PSMD6: variants seen among roughly 807,000 people sequenced by gnomAD.
PSMD6 encodes the protein proteasome 26S subunit, non-ATPase 6, also known as 26S proteasome non-ATPase regulatory subunit 6.
A neutral mutation model predicts 44.9 loss-of-function variants in PSMD6; 7 were observed. The observed-to-expected ratio is 0.16, with a 90% CI of 0.09 to 0.29. The LOEUF is 0.29. Ranked by LOEUF, PSMD6 falls within the 10% of genes least tolerant of loss-of-function variation. The probability of loss-of-function intolerance (pLI) is 1.00; values close to 1 mark genes in which losing one functional copy is unlikely to be tolerated. For missense variants in PSMD6, 420 were observed against 482.6 expected, an observed-to-expected ratio of 0.87 and a Z score of 1.21; for synonymous variants, 184 against 172.7, an observed-to-expected ratio of 1.07 and a Z score of -0.51.
At chr3:64,011,353 C>G (rs1279839181) in intron 6 of PSMD6, 2 of 151,214 alleles carry the variant, frequency 1.3e-5, no homozygotes, top group African/African-American at 2.7e-5. Flanking sequence ...AACATGTCAA[C>G]AGCAATAGTA....
intron 5 of PSMD6, chr3:64,013,904 G>C (rs967290149): frequency 4.0e-6 from 1 of 252,026 alleles, no homozygotes; most frequent in African/African-American, 2.2e-5. Context: ...TTTAACCACG[G>C]AGAACTTCTT....
At chr3:64,022,225 G>T (rs913399791) in intron 2 of PSMD6, 93 bp downstream of exon 2, 12 of 1,376,272 alleles carry the variant, frequency 8.7e-6, no homozygotes, top group Middle Eastern at 1.9e-4. Context: ...TTTCTAAAAC[G>T]AAGTTAATTT....
chr3:64,022,291 C>G, intron 2 of PSMD6, 27 bp downstream of exon 2: 1 of 1,610,450 alleles, frequency 6.2e-7, no homozygotes, highest in South Asian at 1.1e-5. Flanking sequence ...ATACTAACTA[C>G]AGAGAGGGAA....
intron 5 of PSMD6, chr3:64,014,016 T>C (rs184857453): frequency 1.0e-4 from 16 of 154,296 alleles, no homozygotes; most frequent in Admixed American, 7.2e-4. Flanking sequence ...AAAAAAGGTA[T>C]AAATCAGACA....
chr3:64,013,400 C>T (rs2075993357), intron 6 of PSMD6, 39 bp downstream of exon 6: 12 of 1,483,342 alleles, frequency 8.1e-6, no homozygotes, highest in Non-Finnish European at 7.2e-6. Context: ...TAAAAGGCAA[C>T]TTTAAAACTT....
rs976618021 is a variant in PSMD6, at chr3:64,023,487, G to A, written c.-68C>T. 4.0e-6 allele frequency: 6 copies of A among 1,485,906 alleles called. No individual in the cohort carries two copies. The highest frequency in any genetic ancestry group is 5.4e-6 in the Non-Finnish European group (6 of 1,111,104). 92.0% of individuals were successfully genotyped at this position (1,485,906 alleles called of 1,614,324 possible). A position where few individuals can be genotyped will look rare whatever the true frequency, so the allele number is the denominator to read the frequency against. On this transcript the variant is annotated 5_prime_UTR_variant, in exon 1 of 8. Coordinates refer to ENST00000295901, the MANE Select transcript of PSMD6 (RefSeq NM_014814.3). Reference sequence around the variant, plus strand: ...CGACCGGCTGCGGCAGCGGAAGCGGGAGGAGTCGGCGAATACGCCCGGCCG... The same window carrying A: ...CGACCGGCTGCGGCAGCGGAAGCGGAAGGAGTCGGCGAATACGCCCGGCCG...
chr3:64,019,211 A>T, intron 3 of PSMD6, 85 bp downstream of exon 3: 3 of 1,480,302 alleles, frequency 2.0e-6, no homozygotes, highest in Non-Finnish European at 2.8e-6. Flanking sequence ...TACTAGCTGT[A>T]AACAAAACAG....
intron 1 of PSMD6, chr3:64,022,806 A>C: frequency 6.5e-7 from 1 of 1,536,138 alleles, no homozygotes; most frequent in South Asian, 1.2e-5. Context: ...AAAAGTCTTC[A>C]AACAGGGAAA....
In PSMD6 at chr3:64,018,476, A is replaced by C. The variant is rs562397427; in HGVS notation, c.826+123T>G. 9 of 706,116 alleles carry C rather than the reference A, an allele frequency of 1.3e-5. No homozygotes were observed. The South Asian group carries it at 1.8e-4, about 14-fold the overall frequency. The allele number at this position is 706,116 out of a possible 1,614,324, so 43.7% of individuals were successfully genotyped here. ...CTGGGCACATTAGGAATACTGATCA[A>C]AGACATGCAGCTACCTACACACTAC... is the stretch of plus-strand genomic sequence containing the variant. On this transcript the variant is annotated intron_variant, in intron 5 of 7. Coordinates refer to ENST00000295901, the MANE Select transcript of PSMD6 (RefSeq NM_014814.3).
intron 2 of PSMD6, among the ~76,000 whole-genome samples, chr3:64,021,064 T>TA (rs1239203253): frequency 5.3e-5 from 8 of 150,964 alleles, no homozygotes; most frequent in Admixed American, 2.0e-4. Context: ...CACACATATT[T>TA]AAAAAAAAGA....
chr3:64,018,946 C>T lies in PSMD6; in HGVS notation c.589G>A (p.Ala197Thr), dbSNP rs755848700. The change falls in exon 4 of 8, where the codon GCA becomes ACA. Residue 197 changes from alanine (A) to threonine (T), a missense_variant. Ala to Thr is a moderately conservative substitution (Grantham distance 58). Coordinates refer to ENST00000295901, the MANE Select transcript of PSMD6 (RefSeq NM_014814.3). ...ACAGTGTCAAGGAAGAGTTCAGCTG[C>T]CTGTTTGAAATCACGAATAGCCACA... The part of the protein sequence containing the change: ...YCVAIRDFKQ[A>T]AELFLDTVST... The T allele has an allele frequency of 6.2e-7, 1 of 1,610,464 alleles. No homozygotes were observed. Among genetic ancestry groups the T allele is most frequent in the Non-Finnish European group, 8.5e-7 (1 of 1,176,792 alleles).
chr3:64,017,942 G>A (rs1203986639), intron 5 of PSMD6, among the ~76,000 whole-genome samples: 1 of 152,096 alleles, frequency 6.6e-6, no homozygotes, highest in African/African-American at 2.4e-5. Flanking sequence ...GTCATTATTA[G>A]GAAACCAAAT....
intron 5 of PSMD6, among the ~76,000 whole-genome samples, chr3:64,018,035 C>T (rs1020954422): frequency 2.0e-5 from 3 of 152,148 alleles, no homozygotes; most frequent in Non-Finnish European, 4.4e-5. Context: ...TGAAGGAATA[C>T]AATTACGTTC....
Position 64,010,904 on chromosome 3 carries a change from T to G in PSMD6, c.1047A>C (p.Lys349Asn). ...TGTTGGTTTCTACTATTTCATTCAC[T>G]TTATCTATTTTGCAGTGTAGTCTCC... ...AAGRLHCKID[K>N]VNEIVETNRP... Residue 349 changes from lysine (K) to asparagine (N), a missense_variant, in exon 7 of 8, where the codon AAA becomes AAC. Lys to Asn is a moderately conservative substitution (Grantham distance 94). This residue lies in a region of PSMD6 where 63 missense variants were observed against 112.1 expected (regional missense o/e 0.56). Transcript: ENST00000295901. 6.2e-7 allele frequency: 1 copy of G among 1,611,174 alleles called. No homozygotes were observed. The highest frequency in any genetic ancestry group is 1.1e-5 in the South Asian group (1 of 90,640).
At chr3:64,022,044 G>GT (rs1425322477) in intron 2 of PSMD6, among the ~76,000 whole-genome samples, 1 of 152,146 alleles carries the variant, frequency 6.6e-6, no homozygotes, top group African/African-American at 2.4e-5. Flanking sequence ...TGTAAAAGCA[G>GT]TAAATAAAAT....
chr3:64,012,918 G>A (rs922412941), intron 6 of PSMD6: 1 of 152,202 alleles, frequency 6.6e-6, no homozygotes, highest in Non-Finnish European at 1.5e-5. Context: ...CTACTACAAT[G>A]AAAGTGTGAA....
chr3:64,021,013 C>T (rs535545125), intron 2 of PSMD6, among the ~76,000 whole-genome samples: 37 of 151,866 alleles, frequency 2.4e-4, no homozygotes, highest in Admixed American at 7.9e-4. Context: ...CTCTGGTGCC[C>T]TGATGGTGGA....
Position 64,013,875 on chromosome 3 carries a change from A to T in PSMD6, c.827-268T>A, listed in dbSNP as rs145032116. The T allele has an allele frequency of 1.1e-3, 343 of 309,146 alleles. 1 individual carries two copies. Among genetic ancestry groups the T allele is most frequent in the African/African-American group, 6.9e-3 (321 of 46,658 alleles). 19.2% of individuals were successfully genotyped at this position (309,146 alleles called of 1,614,324 possible). ...CTAAAGGAACTTGTTCATAGATGAC[A>T]AAGTTCACGTACTAATATTTTAACC... On this transcript the variant is annotated intron_variant, in intron 5 of 7. Coordinates refer to ENST00000295901, the MANE Select transcript of PSMD6 (RefSeq NM_014814.3).
In PSMD6 at chr3:64,010,978, CAG is replaced by C. The variant is rs765660991; in HGVS notation, c.996-25_996-24del. On this transcript the variant is annotated intron_variant, in intron 6 of 7. Coordinates refer to ENST00000295901, the MANE Select transcript of PSMD6 (RefSeq NM_014814.3). ...TCCCTAATTTAGAGACAAAAAATAA[CAG>C]AATTAGCTTTATAGAAAATTCTTAG... 9 of 1,542,804 alleles carry C rather than the reference CAG, an allele frequency of 5.8e-6. No individual in the cohort carries two copies. The South Asian group carries it at 1.1e-4, about 18-fold the overall frequency.
Sources: gnomAD v4.1 joint callset for allele counts (sites outside exome capture counted in the v4.1 genomes callset) on GRCh38, gnomAD v4.1.1 for gene constraint, gnomAD v4.1.1 regional missense constraint, MANE v1.5 for transcripts, NCBI Gene and HGNC (gene_info 2026-07-23, HGNC 2026-07-21) for gene names.